The following CCSER1 variants were observed in gnomAD, a reference collection of about 807,000 sequenced individuals.
CCSER1 encodes serine-rich coiled-coil domain-containing protein 1.
In CCSER1, 41 loss-of-function variants were observed where a neutral mutation model predicts 82.0. The ratio of observed to expected loss-of-function variants is 0.50; its 90% CI spans 0.39 to 0.65. The LOEUF is 0.65. Among genes scored for constraint, CCSER1 ranks in the 30% least tolerant of loss-of-function variants. The probability of loss-of-function intolerance (pLI) is 0.00; values close to 1 mark genes in which losing one functional copy is unlikely to be tolerated. For missense variants in CCSER1, 1,119 were observed against 1,064.2 expected, an observed-to-expected ratio of 1.05 and a Z score of -0.72; for synonymous variants, 414 against 383.9, an observed-to-expected ratio of 1.08 and a Z score of -0.92.
At chr4:90,859,407 C>T (rs1013893757) in intron 8 of CCSER1, among the ~76,000 whole-genome samples, 11 of 151,766 alleles carry the variant, frequency 7.2e-5, no homozygotes, top group Non-Finnish European at 1.5e-4. Context: ...TAATTGCTCT[C>T]TTTATGGGAA....
chr4:90,456,844 C>G (rs1020401536), intron 4 of CCSER1, among the ~76,000 whole-genome samples: 4 of 152,290 alleles, frequency 2.6e-5, no homozygotes, highest in Non-Finnish European at 5.9e-5. Context: ...GATGAGCCCC[C>G]CAAAATGTCA....
At chr4:90,771,816 T>G (rs1752227330) in intron 7 of CCSER1, among the ~76,000 whole-genome samples, 1 of 152,118 alleles carries the variant, frequency 6.6e-6, no homozygotes. Context: ...GTGTATCCTC[T>G]GGTTTCCTGT....
chr4:90,360,254 C>A (rs1745129747), intron 3 of CCSER1, among the ~76,000 whole-genome samples: 1 of 148,256 alleles, frequency 6.7e-6, no homozygotes, highest in Non-Finnish European at 1.5e-5. Flanking sequence ...CACGGCCAGA[C>A]GTGGTGGCTC....
intron 6 of CCSER1, among the ~76,000 whole-genome samples, chr4:90,698,501 A>T (rs1737398194): frequency 6.6e-6 from 1 of 152,176 alleles, no homozygotes; most frequent in Non-Finnish European, 1.5e-5. Context: ...TTGGCAAAGC[A>T]TTCCCCATTT....
At chr4:90,419,877 T>C (rs1756420565) in intron 4 of CCSER1, among the ~76,000 whole-genome samples, 1 of 151,962 alleles carries the variant, frequency 6.6e-6, no homozygotes. Flanking sequence ...CCAGGAAGTG[T>C]CATTTTATAA....
At chr4:91,257,260 C>T (rs189059836) in intron 10 of CCSER1, among the ~76,000 whole-genome samples, 4 of 152,174 alleles carry the variant, frequency 2.6e-5, no homozygotes, top group Admixed American at 6.5e-5. Context: ...AGTTATATCA[C>T]GTCCCAAAGT....
intron 1 of CCSER1, among the ~76,000 whole-genome samples, chr4:90,228,631 G>C (rs1373827042): frequency 1.3e-5 from 2 of 152,192 alleles, no homozygotes; most frequent in East Asian, 3.9e-4. Context: ...GAATGACTTT[G>C]ACGAGCTGAG....
intron 10 of CCSER1, among the ~76,000 whole-genome samples, chr4:91,181,479 T>G (rs1192708321): frequency 6.6e-6 from 1 of 152,218 alleles, no homozygotes; most frequent in Admixed American, 6.5e-5. Context: ...TTTTAAATCC[T>G]TATGTCAAGC....
intron 9 of CCSER1, among the ~76,000 whole-genome samples, chr4:90,936,672 G>A (rs2150314609): frequency 6.6e-6 from 1 of 151,848 alleles, no homozygotes; most frequent in South Asian, 2.1e-4. Flanking sequence ...ATGAATGTTG[G>A]GAACCTTAAA....
At chr4:91,457,422 T>C (rs1756243216) in intron 10 of CCSER1, among the ~76,000 whole-genome samples, 1 of 152,102 alleles carries the variant, frequency 6.6e-6, no homozygotes, top group African/African-American at 2.4e-5. Flanking sequence ...CTCCCTACAC[T>C]TTGGGACCCC....
At chr4:91,086,529 G>A (rs531199672) in intron 10 of CCSER1, among the ~76,000 whole-genome samples, 7 of 152,068 alleles carry the variant, frequency 4.6e-5, no homozygotes, top group Non-Finnish European at 8.8e-5. Flanking sequence ...CCTGCTAAAT[G>A]TATAAATGCT....
At chr4:91,162,363 T>C (rs1346569462) in intron 10 of CCSER1, among the ~76,000 whole-genome samples, 2 of 152,214 alleles carry the variant, frequency 1.3e-5, no homozygotes, top group East Asian at 3.8e-4. Context: ...TAGATTAATG[T>C]TCATCAGGGA....
At chr4:90,890,833 G>A (rs1010984724) in intron 8 of CCSER1, among the ~76,000 whole-genome samples, 9 of 152,070 alleles carry the variant, frequency 5.9e-5, no homozygotes, top group South Asian at 2.1e-4. Flanking sequence ...GATTTATTTT[G>A]TTTTGGTTTG....
intron 10 of CCSER1, among the ~76,000 whole-genome samples, chr4:91,109,115 C>T (rs913403895): frequency 6.6e-6 from 1 of 152,160 alleles, no homozygotes; most frequent in African/African-American, 2.4e-5. Flanking sequence ...CATTCTTAGG[C>T]ATTTAGCCTT....
chr4:90,552,125 T>C (rs1173728139), intron 5 of CCSER1, among the ~76,000 whole-genome samples: 2 of 152,130 alleles, frequency 1.3e-5, no homozygotes. Flanking sequence ...TAATTGCTTC[T>C]TAAAGGCCCC....
At chr4:90,708,438 T>A (rs1406281285) in intron 6 of CCSER1, among the ~76,000 whole-genome samples, 2 of 152,166 alleles carry the variant, frequency 1.3e-5, no homozygotes, top group Admixed American at 1.3e-4. Flanking sequence ...AAGTAATATT[T>A]CTTTGCTAGG....
chr4:91,482,210 G>A (rs1757961978), intron 10 of CCSER1, among the ~76,000 whole-genome samples: 1 of 148,418 alleles, frequency 6.7e-6, no homozygotes, highest in Non-Finnish European at 1.5e-5. Context: ...AGACCATCCT[G>A]GCTAACAAGG....
intron 1 of CCSER1, among the ~76,000 whole-genome samples, chr4:90,238,071 G>A (rs1289618012): frequency 6.6e-6 from 1 of 152,190 alleles, no homozygotes; most frequent in Non-Finnish European, 1.5e-5. Flanking sequence ...TGCTGGTAAT[G>A]AGAACCTATA....
chr4:90,784,414 A>C (rs1378574892), intron 7 of CCSER1, among the ~76,000 whole-genome samples: 1 of 152,178 alleles, frequency 6.6e-6, no homozygotes, highest in Non-Finnish European at 1.5e-5. Context: ...TATTCAACTG[A>C]TTTTCAATAA....
Sources: allele counts gnomAD v4.1 joint callset (sites outside exome capture counted in the v4.1 genomes callset), GRCh38; gene constraint gnomAD v4.1.1; transcripts MANE v1.5; gene names NCBI Gene and HGNC (gene_info 2026-07-23, HGNC 2026-07-21).